Variants in GALNT14 observed in about 807,000 individuals in gnomAD.
GALNT14 encodes the protein polypeptide N-acetylgalactosaminyltransferase 14, also known as UDP-GalNAc:polypeptide N-acetylgalactosaminyltransferase 14.
Under a neutral mutation model 77.5 loss-of-function variants are expected in GALNT14, and 60 were observed. That is an observed-to-expected ratio of 0.77 (90% confidence interval 0.63 to 0.96). The LOEUF (loss-of-function observed/expected upper bound fraction) is 0.96. GALNT14 is among the 40% of genes least tolerant of loss of function. The pLI is 0.00. For synonymous variants in GALNT14, 280 were observed against 281.7 expected, an observed-to-expected ratio of 0.99 and a Z score of 0.06; for missense variants, 710 against 731.0, an observed-to-expected ratio of 0.97 and a Z score of 0.33.
intron 1 of GALNT14, among the ~76,000 whole-genome samples, chr2:31,005,848 G>A (rs1225708271): frequency 1.3e-5 from 2 of 152,234 alleles, no homozygotes; most frequent in Admixed American, 6.5e-5. Context: ...TTTAAGAAGC[G>A]TAATACATAA....
intron 1 of GALNT14, among the ~76,000 whole-genome samples, chr2:31,123,159 G>T (rs1201733315): frequency 1.7e-5 from 2 of 119,130 alleles, no homozygotes; most frequent in Non-Finnish European, 3.2e-5. Context: ...TCCAGCCTGG[G>T]CAACAGAGCG....
At chr2:31,013,701 C>A (rs563552675) in intron 1 of GALNT14, among the ~76,000 whole-genome samples, 2 of 146,538 alleles carry the variant, frequency 1.4e-5, no homozygotes, top group East Asian at 1.9e-4. Context: ...GGACCCCAGT[C>A]TGTCTGGCCC....
At chr2:31,068,671 G>C (rs756266604) in intron 1 of GALNT14, among the ~76,000 whole-genome samples, 30 of 152,148 alleles carry the variant, frequency 2.0e-4, no homozygotes, top group Non-Finnish European at 3.8e-4. Flanking sequence ...CCACTGCCCC[G>C]TGCAGACAGG....
chr2:31,097,411 A>G (rs185305761), intron 1 of GALNT14, among the ~76,000 whole-genome samples: 38 of 151,850 alleles, frequency 2.5e-4, no homozygotes, highest in Non-Finnish European at 3.7e-4. Flanking sequence ...CAGAGAATTA[A>G]CTCTTTCCAC....
At chr2:31,113,628 C>T (rs1324330056) in intron 1 of GALNT14, among the ~76,000 whole-genome samples, 3 of 152,134 alleles carry the variant, frequency 2.0e-5, no homozygotes, top group Non-Finnish European at 2.9e-5. Context: ...ACTGCTCCTA[C>T]AAGGTATAGG....
intron 1 of GALNT14, among the ~76,000 whole-genome samples, chr2:31,058,059 G>T (rs1276820919): frequency 6.6e-6 from 1 of 152,134 alleles, no homozygotes; most frequent in East Asian, 1.9e-4. Context: ...AGCCCTAGGT[G>T]GTAACTGCTT....
At chr2:30,932,323 T>C in intron 9 of GALNT14, 129 bp from the exon 10 acceptor site, 1 of 852,362 alleles carries the variant, frequency 1.2e-6, no homozygotes, top group Admixed American at 3.1e-5. Flanking sequence ...GTCTGTAGGC[T>C]CCACTGGCTG....
At chr2:30,982,662 G>A (rs958415154) in intron 2 of GALNT14, among the ~76,000 whole-genome samples, 6 of 152,126 alleles carry the variant, frequency 3.9e-5, no homozygotes, top group East Asian at 3.9e-4. Context: ...GATGGGGCAC[G>A]GGCATAAGGG....
chr2:31,100,955 A>G (rs187105657), intron 1 of GALNT14, among the ~76,000 whole-genome samples: 7 of 152,152 alleles, frequency 4.6e-5, no homozygotes, highest in African/African-American at 1.4e-4. Context: ...TAATTTATTC[A>G]CTACTGTACT....
intron 1 of GALNT14, among the ~76,000 whole-genome samples, chr2:31,115,975 T>G (rs908278030): frequency 1.3e-5 from 2 of 152,178 alleles, no homozygotes; most frequent in Non-Finnish European, 2.9e-5. Flanking sequence ...GAGCTATGAC[T>G]GCACCACTGC....
At chr2:30,905,110 A>G in the GALNT14 span, among the ~76,000 whole-genome samples, 1 of 152,198 alleles carries the variant, frequency 6.6e-6, no homozygotes, top group African/African-American at 2.4e-5. Flanking sequence ...AAAGATGGGG[A>G]AAAAACAGAA....
chr2:31,006,369 G>A (rs563025382), intron 1 of GALNT14, among the ~76,000 whole-genome samples: 2 of 152,066 alleles, frequency 1.3e-5, no homozygotes, highest in African/African-American at 2.4e-5. Context: ...GTGGTGTAGC[G>A]TTTACTACAC....
chr2:31,105,706 C>T (rs1181367413), intron 1 of GALNT14, among the ~76,000 whole-genome samples: 1 of 151,218 alleles, frequency 6.6e-6, no homozygotes, highest in Non-Finnish European at 1.5e-5. Flanking sequence ...GTCTGAGTGA[C>T]AGAACAAGAC....
chr2:31,110,351 G>A (rs1259071472), intron 1 of GALNT14, among the ~76,000 whole-genome samples: 1 of 152,164 alleles, frequency 6.6e-6, no homozygotes, highest in East Asian at 1.9e-4. Flanking sequence ...CAAAGGCTAT[G>A]ACTTCCAAAC....
At chr2:31,070,131 A>G (rs1304157090) in intron 1 of GALNT14, among the ~76,000 whole-genome samples, 2 of 152,066 alleles carry the variant, frequency 1.3e-5, no homozygotes, top group Non-Finnish European at 2.9e-5. Flanking sequence ...GAAGCTCACT[A>G]CCTCATGGCA....
intron 1 of GALNT14, among the ~76,000 whole-genome samples, chr2:31,003,625 A>C (rs1397725845): frequency 6.6e-6 from 1 of 151,302 alleles, no homozygotes; most frequent in East Asian, 1.9e-4. Context: ...GCCCATAAAC[A>C]CTCTCCCCAC....
intron 13 of GALNT14, among the ~76,000 whole-genome samples, chr2:30,916,060 A>T (rs984852058): frequency 1.3e-5 from 2 of 152,214 alleles, no homozygotes; most frequent in Non-Finnish European, 2.9e-5. Context: ...AACCTCCATG[A>T]TTTAGCAGGA....
chr2:30,905,569 C>T (rs565687426), downstream of GALNT14, among the ~76,000 whole-genome samples: 1,067 of 152,028 alleles, frequency 7.0e-3, 19 homozygotes, highest in African/African-American at 0.025. Context: ...TGTGAAAAGA[C>T]CAAATCTATG....
chr2:30,923,243 T>G (rs1471284810), intron 13 of GALNT14, among the ~76,000 whole-genome samples: 1 of 151,958 alleles, frequency 6.6e-6, no homozygotes, highest in South Asian at 2.1e-4. Flanking sequence ...TTTGTATTTT[T>G]AGTAGAGACA....
Sources: allele counts gnomAD v4.1 joint callset (sites outside exome capture counted in the v4.1 genomes callset), GRCh38; gene constraint gnomAD v4.1.1; transcripts MANE v1.5; gene names NCBI Gene and HGNC (gene_info 2026-07-23, HGNC 2026-07-21).